ABCA13: variants seen among roughly 807,000 people sequenced by gnomAD.
The protein encoded by ABCA13 is ATP binding cassette subfamily A member 13, also known as ATP-binding cassette sub-family A member 13.
A neutral mutation model predicts 478.7 loss-of-function variants in ABCA13; 476 were observed. That is an observed-to-expected ratio of 0.99 (90% CI 0.92 to 1.07). The LOEUF (loss-of-function observed/expected upper bound fraction) is 1.07. ABCA13 is among the 50% of genes least tolerant of loss of function. The pLI, the probability that ABCA13 is intolerant of heterozygous loss-of-function variation, is 0.00. For missense variants in ABCA13, 6,060 were observed against 5,910.6 expected (o/e 1.03, Z -0.83); for synonymous variants, 2,252 against 2,158.9 (o/e 1.04, Z -1.20).
intron 23 of ABCA13, among the ~76,000 whole-genome samples, chr7:48,305,674 C>T (rs971975095): frequency 6.6e-6 from 1 of 152,126 alleles, no homozygotes; most frequent in African/African-American, 2.4e-5. Context: ...CCTCTGAATG[C>T]GATTCGGGTT....
intron 59 of ABCA13, 125 bp from the exon 60 acceptor site, chr7:48,643,163 T>C (rs1795220562): frequency 1.6e-6 from 1 of 628,304 alleles, no homozygotes; most frequent in East Asian, 2.6e-5. Context: ...ATATTGAGAA[T>C]CCAAACTCCC....
At chr7:48,438,191 C>T (rs1823100654) in intron 42 of ABCA13, among the ~76,000 whole-genome samples, 2 of 152,108 alleles carry the variant, frequency 1.3e-5, no homozygotes, top group South Asian at 4.1e-4. Context: ...GCTCTTTCTG[C>T]CCTGAAGGAG....
At chr7:48,517,344 C>T (rs1023006847) in intron 52 of ABCA13, among the ~76,000 whole-genome samples, 8 of 152,038 alleles carry the variant, frequency 5.3e-5, no homozygotes, top group African/African-American at 9.7e-5. Flanking sequence ...GATGATCTGG[C>T]GGGATTCTAC....
intron 42 of ABCA13, among the ~76,000 whole-genome samples, chr7:48,436,509 T>C (rs1822853284): frequency 6.6e-6 from 1 of 151,856 alleles, no homozygotes; most frequent in Non-Finnish European, 1.5e-5. Flanking sequence ...TTTTCAACTT[T>C]GTATTTTATT....
intron 8 of ABCA13, among the ~76,000 whole-genome samples, chr7:48,237,765 T>C (rs2129006915): frequency 6.6e-6 from 1 of 152,350 alleles, no homozygotes; most frequent in Admixed American, 6.5e-5. Context: ...ACATCCTCTG[T>C]GGATCTCCTG....
At position 48,402,053 on chromosome 7, in the gene ABCA13, G is replaced by A. The variant is rs117745311; in HGVS notation, c.11874-1630G>A. ...AGGACTGCACAGGTGGGGACAAAGTGCAGGGGGCCAGAAGCGTTCCTGAAG... is the reference window on the plus strand; with the variant it reads ...AGGACTGCACAGGTGGGGACAAAGTACAGGGGGCCAGAAGCGTTCCTGAAG... On this transcript the variant is annotated intron_variant, in intron 38 of 61. Coordinates refer to ENST00000435803, the MANE Select transcript of ABCA13 (RefSeq NM_152701.5). 3.0e-4 allele frequency among the ~76,000 whole-genome samples: 46 copies of A among 152,322 alleles called. No homozygotes were observed. The East Asian group carries it at 8.1e-3, about 27-fold the overall frequency.
At chr7:48,209,699 A>C (rs1351047704) in intron 3 of ABCA13, among the ~76,000 whole-genome samples, 1 of 152,222 alleles carries the variant, frequency 6.6e-6, no homozygotes, top group African/African-American at 2.4e-5. Flanking sequence ...AATAATCAAT[A>C]TTAATAAAAT....
chr7:48,296,580 C>T (rs1013397081), intron 21 of ABCA13, among the ~76,000 whole-genome samples: 3 of 151,900 alleles, frequency 2.0e-5, no homozygotes, highest in Non-Finnish European at 4.4e-5. Flanking sequence ...CCTCCTCAGC[C>T]TCCTGAGTAG....
chr7:48,632,314 T>C (rs1371960824), intron 59 of ABCA13, among the ~76,000 whole-genome samples: 2 of 152,298 alleles, frequency 1.3e-5, no homozygotes, highest in East Asian at 1.9e-4. Context: ...TCTATATCTA[T>C]CTTCTGGATG....
chr7:48,453,861 A>C (rs1825339753), intron 42 of ABCA13, among the ~76,000 whole-genome samples: 1 of 152,184 alleles, frequency 6.6e-6, no homozygotes, highest in African/African-American at 2.4e-5. Flanking sequence ...CAGCGCCTGC[A>C]CACACTGGGC....
intron 53 of ABCA13, among the ~76,000 whole-genome samples, chr7:48,520,959 G>A (rs752320585): frequency 2.0e-5 from 3 of 152,192 alleles, no homozygotes; most frequent in Non-Finnish European, 2.9e-5. Context: ...GCTGGATCTT[G>A]TTGCTTATGC....
At chr7:48,374,258 G>A in intron 33 of ABCA13, 89 bp from the exon 34 acceptor site, 1 of 1,212,658 alleles carries the variant, frequency 8.2e-7, no homozygotes, top group Non-Finnish European at 1.2e-6. Context: ...AGTTGTCATG[G>A]CTTCGCTCCT....
chr7:48,269,092 C>T lies in ABCA13; in HGVS notation c.2118C>T (p.Ser706=). 2 of 1,516,410 alleles carry T rather than the reference C, an allele frequency of 1.3e-6. No individual in the cohort carries two copies. Among genetic ancestry groups the T allele is most frequent in the Non-Finnish European group, 1.8e-6 (2 of 1,094,490 alleles). The allele number at this position is 1,516,410 out of a possible 1,614,324, so 93.9% of individuals were successfully genotyped here. Reference sequence around the variant, plus strand: ...TCAAGTCTCCAACAGCTTCCATATCCAGGTAAGTTATCAGAATCCAACTTC... The same window carrying T: ...TCAAGTCTCCAACAGCTTCCATATCTAGGTAAGTTATCAGAATCCAACTTC... ...NLLKSPTASI[S]RALNFTKHLL... is the part of the protein sequence containing the mutation. Residue 706 remains serine, a splice_region_variant and synonymous_variant, in exon 16 of 62, where the codon TCC becomes TCT. Transcript: ENST00000435803.
At chr7:48,259,024 C>A (rs1793804263) in intron 15 of ABCA13, among the ~76,000 whole-genome samples, 1 of 151,288 alleles carries the variant, frequency 6.6e-6, no homozygotes, top group Admixed American at 6.6e-5. Flanking sequence ...TTTTTATGGC[C>A]AATAATGTGG....
At chr7:48,431,818 C>T (rs776928039) in intron 42 of ABCA13, among the ~76,000 whole-genome samples, 14 of 152,108 alleles carry the variant, frequency 9.2e-5, no homozygotes, top group East Asian at 3.9e-4. Context: ...AAGCAGTTTT[C>T]GCAAACACTT....
At chr7:48,388,975 A>G in intron 36 of ABCA13, 65 bp from the exon 37 acceptor site, 1 of 1,522,868 alleles carries the variant, frequency 6.6e-7, no homozygotes, top group Non-Finnish European at 9.0e-7. Context: ...CTGAATTAAT[A>G]AATATGAGCA....
intron 3 of ABCA13, among the ~76,000 whole-genome samples, chr7:48,202,695 C>T (rs980255845): frequency 5.3e-5 from 8 of 151,930 alleles, no homozygotes; most frequent in Non-Finnish European, 1.2e-4. Context: ...TCAACTGGTG[C>T]ACTCACAAAC....
Position 48,392,115 on chromosome 7 carries a change from A to G in ABCA13, c.11849A>G (p.Lys3950Arg). The change falls in exon 38 of 62, where the codon AAG becomes AGG. Residue 3950 changes from lysine to arginine, a missense_variant. By Grantham distance (26) the Lys-to-Arg change is conservative (BLOSUM62 2). Transcript: ENST00000435803. The stretch of plus-strand genomic sequence containing the variant: ...ATAAAGGCGCCTCAGTGGACCAAGA[A>G]GGAGCTGCATCAGCAAGTCAATCAG... The part of the protein sequence containing the change: ...ASIKAPQWTK[K>R]ELHQQVNQTL... 3.1e-6 allele frequency: 5 copies of G among 1,613,956 alleles called. No individual in the cohort carries two copies. Among genetic ancestry groups the G allele is most frequent in the Non-Finnish European group, 4.2e-6 (5 of 1,179,882 alleles).
chr7:48,295,892 C>A (rs1379645150), intron 21 of ABCA13, 29 bp downstream of exon 21: 1 of 1,567,710 alleles, frequency 6.4e-7, no homozygotes, highest in African/African-American at 1.4e-5. Context: ...TCATGCCCTC[C>A]CCAGTACTTC....
Sources: allele counts gnomAD v4.1 joint callset (sites outside exome capture counted in the v4.1 genomes callset), GRCh38; gene constraint gnomAD v4.1.1; transcripts MANE v1.5; gene names NCBI Gene and HGNC (gene_info 2026-07-23, HGNC 2026-07-21).